The following USH2A variants were observed in gnomAD, a reference collection of about 807,000 sequenced individuals.
USH2A encodes usherin, also known as Usher syndrome 2A (autosomal recessive, mild).
In USH2A, 443 loss-of-function variants were observed where a neutral mutation model predicts 538.9. The observed-to-expected ratio is 0.82, with a 90% CI of 0.76 to 0.89. The LOEUF is 0.89. Among genes scored for constraint, USH2A ranks in the 40% least tolerant of loss-of-function variants. The pLI, the probability that USH2A is intolerant of heterozygous loss-of-function variation, is 0.00. For synonymous variants in USH2A, 2,413 were observed against 2,273.5 expected (o/e 1.06, Z -1.75); for missense variants, 6,633 against 6,324.8 (o/e 1.05, Z -1.65).
At chr1:216,024,504 T>C (rs1452384322) in intron 32 of USH2A, among the ~76,000 whole-genome samples, 3 of 152,074 alleles carry the variant, frequency 2.0e-5, no homozygotes, top group South Asian at 4.1e-4. Context: ...TAATGAATGT[T>C]CATAAATACT....
Position 216,302,625 on chromosome 1 carries a change from T to C in USH2A, c.1645-10255A>G, listed in dbSNP as rs556950693. Among the ~76,000 whole-genome samples, 35 of 152,232 alleles carry C rather than the reference T, an allele frequency of 2.3e-4. 1 individual carries two copies. In the South Asian group the frequency reaches 7.0e-3, roughly 31 times the overall value. On this transcript the variant is annotated intron_variant, in intron 9 of 71. Transcript: ENST00000307340. ...TACTAATACTGTTGGACAATACTGA[T>C]CAAACATAGGTGACAATACAATGAC...
chr1:216,093,270 C>G (rs1282501902), intron 22 of USH2A, among the ~76,000 whole-genome samples: 1 of 152,154 alleles, frequency 6.6e-6, no homozygotes, highest in Non-Finnish European at 1.5e-5. Context: ...GTGGCTTTAA[C>G]AATTTTATTA....
At chr1:216,120,202 C>T (rs1031193687) in intron 21 of USH2A, among the ~76,000 whole-genome samples, 9 of 117,288 alleles carry the variant, frequency 7.7e-5, no homozygotes, top group Non-Finnish European at 1.3e-4. Context: ...GCTATTAAAA[C>T]AGGTCATACT....
chr1:215,713,858 C>A (rs777924899), intron 61 of USH2A, among the ~76,000 whole-genome samples: 12 of 152,154 alleles, frequency 7.9e-5, no homozygotes, highest in South Asian at 2.1e-4. Context: ...ACTCAAGAAG[C>A]AATACTGGAT....
intron 49 of USH2A, among the ~76,000 whole-genome samples, chr1:215,812,089 A>G (rs1482976751): frequency 6.8e-6 from 1 of 147,130 alleles, no homozygotes; most frequent in African/African-American, 2.5e-5. Context: ...GATTCAAGCA[A>G]TTCTCCTGCT....
At chr1:216,338,413 G>T (rs1333138275) in intron 4 of USH2A, among the ~76,000 whole-genome samples, 2 of 151,448 alleles carry the variant, frequency 1.3e-5, no homozygotes, top group South Asian at 2.1e-4. Context: ...TGCCAATAAA[G>T]ATAAGTTAAA....
rs191030991 is a variant in USH2A at position 216,146,243 on chromosome 1, C to T, written c.4627+29009G>A. ...TCTCTTCTCCAACCTCCCTCACTATCCCTCAACCGCTTTCTCCTTTCAATC... is the reference window on the plus strand; with the variant it reads ...TCTCTTCTCCAACCTCCCTCACTATTCCTCAACCGCTTTCTCCTTTCAATC... On this transcript the variant is annotated intron_variant, in intron 21 of 71. Transcript: ENST00000307340. 3.9e-3 allele frequency among the ~76,000 whole-genome samples: 598 copies of T among 152,320 alleles called. 1 individual carries two copies. The highest frequency in any genetic ancestry group is 0.014 in the African/African-American group (578 of 41,568).
chr1:215,995,167 G>A (rs1558200736), intron 34 of USH2A, among the ~76,000 whole-genome samples: 1 of 151,958 alleles, frequency 6.6e-6, no homozygotes, highest in African/African-American at 2.4e-5. Flanking sequence ...TTAAAACACA[G>A]TGTGAATTAA....
At chr1:216,235,656 C>G (rs2035796064) in intron 13 of USH2A, among the ~76,000 whole-genome samples, 1 of 152,146 alleles carries the variant, frequency 6.6e-6, no homozygotes, top group African/African-American at 2.4e-5. Context: ...AGTACTTGTC[C>G]TGGGCATAAA....
In USH2A at chr1:216,000,482, G is replaced by A. The variant is rs1402193588; in HGVS notation, c.6406C>T (p.Leu2136=). Residue 2136 remains leucine, a synonymous_variant, in exon 33 of 72, where the codon CTG becomes TTG. Transcript: ENST00000307340. ...VGCTNSSWVL[L]YTAQLPPEHV... is the part of the protein sequence containing the mutation. ...TCTGGTGGCAGCTGTGCTGTGTACA[G>A]TAGGACCCAGGAACTGTTTGTACAG... The A allele has an allele frequency of 6.2e-7, 1 of 1,613,684 alleles. No individual in the cohort carries two copies.
rs1241338484 is a variant in USH2A at position 216,312,912 on chromosome 1, A to C, written c.1644+8971T>G. ...GAAATCCAGACATGATGTACTGAGT[A>C]AAGGGAACTCTGGCAAACAGGCCTT... On this transcript the variant is annotated intron_variant, in intron 9 of 71. Transcript: ENST00000307340. Among the ~76,000 whole-genome samples, 4 of 152,144 alleles carry C rather than the reference A, an allele frequency of 2.6e-5. No individual in the cohort carries two copies. In the East Asian group the frequency reaches 7.7e-4, roughly 29 times the overall value.
At chr1:216,182,154 A>C (rs2034506981) in intron 20 of USH2A, among the ~76,000 whole-genome samples, 1 of 152,128 alleles carries the variant, frequency 6.6e-6, no homozygotes, top group Non-Finnish European at 1.5e-5. Context: ...GAAGAAAGAT[A>C]CAGTTTGTAT....
chr1:215,896,196 T>C (rs1335678961), intron 40 of USH2A, among the ~76,000 whole-genome samples: 2 of 152,164 alleles, frequency 1.3e-5, no homozygotes. Flanking sequence ...AGACTAGTGG[T>C]TAAAAATATA....
At chr1:215,741,687 G>GTTCAATTAT (rs1376324790) in intron 59 of USH2A, 150 bp from the exon 60 acceptor site, 2 of 899,278 alleles carry the variant, frequency 2.2e-6, no homozygotes, top group Non-Finnish European at 3.2e-6. Context: ...AAATTTTTAT[G>GTTCAATTAT]GGATTTGAAC....
intron 62 of USH2A, among the ~76,000 whole-genome samples, chr1:215,676,816 C>T (rs374675697): frequency 2.6e-5 from 4 of 152,124 alleles, no homozygotes; most frequent in Admixed American, 6.5e-5. Flanking sequence ...GATATTCACC[C>T]GGCAAATCTC....
chr1:215,978,231 A>G (rs1226059782), intron 35 of USH2A, among the ~76,000 whole-genome samples: 1 of 152,178 alleles, frequency 6.6e-6, no homozygotes, highest in East Asian at 1.9e-4. Context: ...AAAAAATAAG[A>G]ATTGTTGTTG....
At chr1:216,115,180 T>C (rs1278255786) in intron 21 of USH2A, among the ~76,000 whole-genome samples, 1 of 152,124 alleles carries the variant, frequency 6.6e-6, no homozygotes, top group Non-Finnish European at 1.5e-5. Context: ...TTGTAAGGCT[T>C]GAGTGTAGTG....
At chr1:216,073,329 A>G in intron 27 of USH2A, 29 bp from the exon 28 acceptor site, 1 of 1,528,666 alleles carries the variant, frequency 6.5e-7, no homozygotes. Context: ...TTAGTATCGC[A>G]TAAAGGGCTT....
At chr1:215,925,239 C>T (rs1484028339) in intron 38 of USH2A, among the ~76,000 whole-genome samples, 1 of 152,016 alleles carries the variant, frequency 6.6e-6, no homozygotes, top group African/African-American at 2.4e-5. Flanking sequence ...GTCATAAATC[C>T]TTTGGTTCTA....
Sources: allele counts gnomAD v4.1 joint callset (sites outside exome capture counted in the v4.1 genomes callset), GRCh38; gene constraint gnomAD v4.1.1; transcripts MANE v1.5; gene names NCBI Gene and HGNC (gene_info 2026-07-23, HGNC 2026-07-21).